NKAIN3: variants seen among roughly 807,000 people sequenced by gnomAD.
The protein encoded by NKAIN3 is sodium/potassium-transporting ATPase subunit beta-1-interacting protein 3.
In NKAIN3, 25 loss-of-function variants were observed where a neutral mutation model predicts 30.2. The observed-to-expected ratio is 0.83, with a 90% confidence interval of 0.60 to 1.16. The LOEUF is 1.16. NKAIN3 is among the 50% of genes most tolerant of loss of function. NKAIN3 has a pLI of 0.00. For synonymous variants in NKAIN3, 91 were observed against 89.6 expected, an observed-to-expected ratio of 1.02 and a Z score of -0.09; for missense variants, 225 against 254.1, an observed-to-expected ratio of 0.89 and a Z score of 0.78.
chr8:62,998,710 T>C (rs1000073946), intron 5 of NKAIN3, among the ~76,000 whole-genome samples: 1 of 152,228 alleles, frequency 6.6e-6, no homozygotes, highest in Non-Finnish European at 1.5e-5. Context: ...TTGAGGATGA[T>C]TGTCATGCAT....
intron 4 of NKAIN3, among the ~76,000 whole-genome samples, chr8:62,762,090 T>C (rs1413049123): frequency 6.6e-6 from 1 of 151,714 alleles, no homozygotes; most frequent in Non-Finnish European, 1.5e-5. Context: ...CTGAGGCGGG[T>C]GGATCACCTG....
At position 62,515,577 on chromosome 8, in the gene NKAIN3, G is replaced by A. The variant is rs548884971; in HGVS notation, c.55-63962G>A. Among the ~76,000 whole-genome samples the A allele has an allele frequency of 6.6e-5, 10 of 152,250 alleles. No homozygotes were observed. The South Asian group carries it at 2.1e-3, about 32-fold the overall frequency. On this transcript the variant is annotated intron_variant, in intron 1 of 6. Transcript: ENST00000623646. Reference sequence around the variant, plus strand: ...TATACAACTTCCCTTACTCAAAAGAGAGAAATGTGTTTAGTATATACATCC... The same window carrying A: ...TATACAACTTCCCTTACTCAAAAGAAAGAAATGTGTTTAGTATATACATCC...
At chr8:62,602,615 T>A (rs537583878) in intron 3 of NKAIN3, among the ~76,000 whole-genome samples, 1 of 152,218 alleles carries the variant, frequency 6.6e-6, no homozygotes, top group African/African-American at 2.4e-5. Flanking sequence ...TTACCAAAGC[T>A]GACCTTGTTT....
intron 1 of NKAIN3, among the ~76,000 whole-genome samples, chr8:62,317,303 C>G (rs903736488): frequency 3.9e-5 from 6 of 152,154 alleles, no homozygotes; most frequent in Admixed American, 2.6e-4. Flanking sequence ...TCAATTTTGA[C>G]TTTTGTTGCC....
chr8:62,953,845 T>C, intron 5 of NKAIN3, 57 bp from the exon 6 acceptor site: 1 of 408,038 alleles, frequency 2.5e-6, no homozygotes, highest in Non-Finnish European at 3.3e-6. Context: ...ATTTTAAACA[T>C]TAGTATTATG....
intron 1 of NKAIN3, among the ~76,000 whole-genome samples, chr8:62,447,792 TTATATC>T (rs1805529688): frequency 1.3e-5 from 2 of 152,006 alleles, no homozygotes; most frequent in African/African-American, 4.8e-5. Flanking sequence ...GGGACACTGA[TTATATC>T]TATGTAATTA....
At position 62,492,407 on chromosome 8, in the gene NKAIN3, A is replaced by G. The variant is rs147387995; in HGVS notation, c.55-87132A>G. 3.0e-4 allele frequency among the ~76,000 whole-genome samples: 46 copies of G among 152,256 alleles called. 1 individual carries two copies. The highest frequency in any genetic ancestry group is 8.9e-4 in the African/African-American group (37 of 41,566). On this transcript the variant is annotated intron_variant, in intron 1 of 6. Coordinates refer to ENST00000623646, the MANE Select transcript of NKAIN3 (RefSeq NM_001304533.3). ...TACTGAACCAACATTTCTGGGGTGC[A>G]GTGAGTCTTCTTTGGTCCTAATTTT...
intron 3 of NKAIN3, among the ~76,000 whole-genome samples, chr8:62,642,271 T>C (rs1812333396): frequency 6.6e-6 from 1 of 152,134 alleles, no homozygotes; most frequent in South Asian, 2.1e-4. Context: ...ATAGCAGAAC[T>C]GTCATCGAAA....
rs1435630605 is a variant in NKAIN3, at chr8:62,973,064, T to G, written c.*7657T>G. 1.3e-5 allele frequency among the ~76,000 whole-genome samples: 2 copies of G among 152,208 alleles called. No individual in the cohort carries two copies. The highest frequency in any genetic ancestry group is 2.9e-5 in the Non-Finnish European group (2 of 68,048). On this transcript the variant is annotated 3_prime_UTR_variant, in exon 7 of 7. Transcript: ENST00000623646. ...TATGTGCCACATTTTCTTTATCCGT[T>G]CTAACATTGATGGGCATTTGGGTTG...
intron 1 of NKAIN3, among the ~76,000 whole-genome samples, chr8:62,434,517 G>C (rs1805110466): frequency 6.6e-6 from 1 of 152,162 alleles, no homozygotes; most frequent in South Asian, 2.1e-4. Flanking sequence ...AAATCAGGGT[G>C]TAAGGAACCC....
chr8:62,507,878 T>C (rs746751626), intron 1 of NKAIN3, among the ~76,000 whole-genome samples: 1 of 152,318 alleles, frequency 6.6e-6, no homozygotes, highest in Non-Finnish European at 1.5e-5. Flanking sequence ...CAGGCTGAGA[T>C]TGAATCCAGT....
chr8:62,942,939 A>G (rs1055233692), intron 5 of NKAIN3, among the ~76,000 whole-genome samples: 1 of 152,202 alleles, frequency 6.6e-6, no homozygotes, highest in Non-Finnish European at 1.5e-5. Context: ...ATTCTAGAGG[A>G]TAATATTGGA....
intron 1 of NKAIN3, among the ~76,000 whole-genome samples, chr8:62,573,956 T>C (rs1014261829): frequency 6.6e-6 from 1 of 152,174 alleles, no homozygotes; most frequent in Non-Finnish European, 1.5e-5. Context: ...TGTTGTATTA[T>C]CAAATACTAG....
chr8:62,864,082 C>A, intron 4 of NKAIN3: 1 of 657,952 alleles, frequency 1.5e-6, no homozygotes, highest in Non-Finnish European at 2.7e-6. Flanking sequence ...GGAGCTCATT[C>A]CGACGCGGCG....
Position 62,973,474 on chromosome 8 carries a change from A to G in NKAIN3, c.*8067A>G, listed in dbSNP as rs560013631. On this transcript the variant is annotated 3_prime_UTR_variant, in exon 7 of 7. Coordinates refer to ENST00000623646, the MANE Select transcript of NKAIN3 (RefSeq NM_001304533.3). ...GCTGCATAAATGTCTTCTTTTAAGA[A>G]GTGTCTATTCATATCCTTAACCCAC... Among the ~76,000 whole-genome samples the G allele has an allele frequency of 1.3e-5, 2 of 152,298 alleles. No homozygotes were observed. The highest frequency in any genetic ancestry group is 3.9e-4 in the East Asian group (2 of 5,178).
chr8:62,788,943 G>A (rs1223774341), intron 4 of NKAIN3, among the ~76,000 whole-genome samples: 1 of 152,150 alleles, frequency 6.6e-6, no homozygotes, highest in Non-Finnish European at 1.5e-5. Flanking sequence ...TAGTCTTCTA[G>A]TATAGTTTGA....
chr8:62,469,924 A>C (rs1308465242), intron 1 of NKAIN3, among the ~76,000 whole-genome samples: 2 of 152,190 alleles, frequency 1.3e-5, no homozygotes, highest in Non-Finnish European at 2.9e-5. Context: ...TTCCAGGTTA[A>C]ACTACAACAA....
chr8:62,361,398 A>C (rs1816557169), intron 1 of NKAIN3, among the ~76,000 whole-genome samples: 1 of 152,222 alleles, frequency 6.6e-6, no homozygotes, highest in African/African-American at 2.4e-5. Flanking sequence ...CCTTCCACTA[A>C]TAGCGTAAGC....
chr8:62,255,328 C>T (rs574285544), intron 1 of NKAIN3, among the ~76,000 whole-genome samples: 1 of 152,290 alleles, frequency 6.6e-6, no homozygotes, highest in African/African-American at 2.4e-5. Flanking sequence ...AGTAGACCTT[C>T]CCTTTTTTCC....
Sources: gnomAD v4.1 joint callset for allele counts (sites outside exome capture counted in the v4.1 genomes callset) on GRCh38, gnomAD v4.1.1 for gene constraint, MANE v1.5 for transcripts, NCBI Gene and HGNC (gene_info 2026-07-23, HGNC 2026-07-21) for gene names.